The following ASF1A variants were observed in gnomAD, a reference collection of about 807,000 sequenced individuals.
ASF1A encodes histone chaperone ASF1A.
Under a neutral mutation model 22.0 loss-of-function variants are expected in ASF1A, and 5 were observed. That is an observed-to-expected ratio of 0.23 (90% CI 0.12 to 0.48). The LOEUF (loss-of-function observed/expected upper bound fraction) is 0.48, where lower values mean the gene tolerates loss of function less well. Among genes scored for constraint, ASF1A ranks in the 20% least tolerant of loss-of-function variants. The pLI is 0.99. For missense variants in ASF1A, 137 were observed against 240.6 expected, an observed-to-expected ratio of 0.57 and a Z score of 2.85; for synonymous variants, 97 against 86.7, an observed-to-expected ratio of 1.12 and a Z score of -0.66.
At chr6:118,897,631 T>C (rs563775033) in intron 1 of ASF1A, among the ~76,000 whole-genome samples, 6 of 152,234 alleles carry the variant, frequency 3.9e-5, no homozygotes, top group Admixed American at 3.9e-4. Flanking sequence ...ACTTCCCTCA[T>C]TCACTCACTC....
chr6:118,894,636 TG>T, intron 1 of ASF1A, 114 bp downstream of exon 1: 2 of 942,466 alleles, frequency 2.1e-6, no homozygotes, highest in Non-Finnish European at 3.2e-6. Context: ...GGCCGCGGGC[TG>T]CTCTGCGGAG....
chr6:118,894,377 C>T lies in ASF1A; in HGVS notation c.-37C>T, dbSNP rs751978421. The T allele has an allele frequency of 2.6e-6, 4 of 1,536,386 alleles. No individual in the cohort carries two copies. In the East Asian group the frequency reaches 9.8e-5, roughly 38 times the overall value. On this transcript the variant is annotated 5_prime_UTR_variant, in exon 1 of 4. Transcript: ENST00000229595. ...GCGCTGGACTTTATTGTGCCGCAAC[C>T]AGCCCCAGTTCCCATTGTTTGTGTT... is the stretch of plus-strand genomic sequence containing the variant.
Position 118,904,878 on chromosome 6 carries a change from G to A in ASF1A, c.226-774G>A, listed in dbSNP as rs569986659. 2.8e-4 allele frequency among the ~76,000 whole-genome samples: 43 copies of A among 152,106 alleles called. No individual in the cohort carries two copies. In the South Asian group the frequency reaches 7.1e-3, roughly 25 times the overall value. ...GTTTGAGACGGAGTCTCACTCTGTC[G>A]CCAGGCTGGAGTGCAGTAGTGCGAT... On this transcript the variant is annotated intron_variant, in intron 2 of 3. Transcript: ENST00000229595.
chr6:118,901,928 A>G (rs1387897146), intron 2 of ASF1A, among the ~76,000 whole-genome samples: 3 of 152,202 alleles, frequency 2.0e-5, no homozygotes, highest in Non-Finnish European at 4.4e-5. Flanking sequence ...CTGGCAAAGA[A>G]TCACTTAGAC....
chr6:118,908,210 TG>T lies in ASF1A; in HGVS notation c.*598del, dbSNP rs1388453595. On this transcript the variant is annotated 3_prime_UTR_variant, in exon 4 of 4. Coordinates refer to ENST00000229595, the MANE Select transcript of ASF1A (RefSeq NM_014034.3). ...GATGTTGGACAGCATTTGGTTTGTT[TG>T]GTAAGAGAAGAACAAATATGGCTAA... 1.3e-5 allele frequency: 2 copies of T among 152,174 alleles called. No individual in the cohort carries two copies. The highest frequency in any genetic ancestry group is 4.8e-5 in the African/African-American group (2 of 41,430). The allele number at this position is 152,174 out of a possible 1,614,324, so 9.4% of individuals were successfully genotyped here.
chr6:118,904,867 C>T (rs1312026731), intron 2 of ASF1A, among the ~76,000 whole-genome samples: 1 of 152,212 alleles, frequency 6.6e-6, no homozygotes, highest in East Asian at 1.9e-4. Context: ...GAGACGGAGT[C>T]TCACTCTGTC....
At chr6:118,903,099 T>C (rs975482781) in intron 2 of ASF1A, among the ~76,000 whole-genome samples, 11 of 151,802 alleles carry the variant, frequency 7.2e-5, no homozygotes, top group African/African-American at 2.7e-4. Flanking sequence ...AGATGTTTTA[T>C]ATTTACAACA....
At chr6:118,904,820 A>G (rs991882896) in intron 2 of ASF1A, among the ~76,000 whole-genome samples, 1 of 152,116 alleles carries the variant, frequency 6.6e-6, no homozygotes, top group Admixed American at 6.5e-5. Flanking sequence ...CTATGTAGCT[A>G]TTTCCATCTC....
chr6:118,904,876 T>C (rs1780064406), intron 2 of ASF1A, among the ~76,000 whole-genome samples: 1 of 152,260 alleles, frequency 6.6e-6, no homozygotes, highest in Admixed American at 6.5e-5. Flanking sequence ...TCTCACTCTG[T>C]CGCCAGGCTG....
At chr6:118,899,915 TA>T (rs1779687868) in intron 1 of ASF1A, among the ~76,000 whole-genome samples, 1 of 152,210 alleles carries the variant, frequency 6.6e-6, no homozygotes, top group South Asian at 2.1e-4. Flanking sequence ...AGATGGTTTG[TA>T]TTACAAAGTT....
chr6:118,903,581 TAAAAA>T (rs1283523564), intron 2 of ASF1A, among the ~76,000 whole-genome samples: 5 of 152,074 alleles, frequency 3.3e-5, no homozygotes, highest in Non-Finnish European at 7.4e-5. Flanking sequence ...TATCAGCACA[TAAAAA>T]AGGAATCTAT....
chr6:118,896,183 G>C (rs577770025), intron 1 of ASF1A, among the ~76,000 whole-genome samples: 17 of 151,804 alleles, frequency 1.1e-4, no homozygotes, highest in Non-Finnish European at 2.4e-4. Context: ...TTACTCTGAA[G>C]TCATTTGATT....
At chr6:118,901,404 G>A (rs1779791096) in intron 2 of ASF1A, among the ~76,000 whole-genome samples, 1 of 152,046 alleles carries the variant, frequency 6.6e-6, no homozygotes, top group South Asian at 2.1e-4. Context: ...GTGTGGTCTT[G>A]GGTCATTGGA....
chr6:118,895,857 T>C (rs972715570), intron 1 of ASF1A, among the ~76,000 whole-genome samples: 3 of 152,120 alleles, frequency 2.0e-5, no homozygotes, highest in Non-Finnish European at 4.4e-5. Context: ...TAAAAACTAG[T>C]TTTTAATCTC....
At chr6:118,894,587 G>A (rs1779214362) in intron 1 of ASF1A, 65 bp downstream of exon 1, 7 of 1,355,038 alleles carry the variant, frequency 5.2e-6, no homozygotes, top group Non-Finnish European at 6.1e-6. Context: ...AGTTTCCCGG[G>A]CCGGGCCTCG....
At position 118,894,305 on chromosome 6, in the gene ASF1A, G is replaced by A. The variant is rs918107330; in HGVS notation, c.-109G>A. 24 of 1,498,580 alleles carry A rather than the reference G, an allele frequency of 1.6e-5. No individual in the cohort carries two copies. Among genetic ancestry groups the A allele is most frequent in the Non-Finnish European group, 8.9e-7 (1 of 1,127,128 alleles). 92.8% of individuals were successfully genotyped at this position (1,498,580 alleles called of 1,614,324 possible). A position where few individuals can be genotyped will look rare whatever the true frequency, so the allele number is the denominator to read the frequency against. On this transcript the variant is annotated 5_prime_UTR_variant, in exon 1 of 4. Transcript: ENST00000229595. ...GTTTCTCAAGTCGCCGCTGCACGACGTCTGGCCGGCGCTGGAGCGGGGGTC... is the reference window on the plus strand; with the variant it reads ...GTTTCTCAAGTCGCCGCTGCACGACATCTGGCCGGCGCTGGAGCGGGGGTC...
intron 1 of ASF1A, among the ~76,000 whole-genome samples, chr6:118,895,026 C>T (rs894858805): frequency 6.6e-6 from 1 of 152,170 alleles, no homozygotes; most frequent in Non-Finnish European, 1.5e-5. Context: ...CGCCCGCCTG[C>T]CCCCGGCGAA....
At chr6:118,904,951 C>G (rs1050868438) in intron 2 of ASF1A, among the ~76,000 whole-genome samples, 2 of 152,188 alleles carry the variant, frequency 1.3e-5, no homozygotes, top group Non-Finnish European at 2.9e-5. Context: ...GATTCTCCTG[C>G]CTCAGCCTCC....
rs1184273652 is a variant in ASF1A at position 118,894,254 on chromosome 6, C to G, written c.-160C>G. 1.4e-6 allele frequency: 2 copies of G among 1,454,316 alleles called. No individual in the cohort carries two copies. The highest frequency in any genetic ancestry group is 1.4e-5 in the African/African-American group (1 of 70,214). The allele number at this position is 1,454,316 out of a possible 1,614,324, so 90.1% of individuals were successfully genotyped here. ...AAGCTGCAAAACACTGTGGAGTGCTCCCGTGTAAATAAAAAGAGGAAAAAA... is the reference window on the plus strand; with the variant it reads ...AAGCTGCAAAACACTGTGGAGTGCTGCCGTGTAAATAAAAAGAGGAAAAAA... On this transcript the variant is annotated 5_prime_UTR_variant, in exon 1 of 4. Coordinates refer to ENST00000229595, the MANE Select transcript of ASF1A (RefSeq NM_014034.3).
Sources: allele counts gnomAD v4.1 joint callset (sites outside exome capture counted in the v4.1 genomes callset), GRCh38; gene constraint gnomAD v4.1.1; transcripts MANE v1.5; gene names NCBI Gene and HGNC (gene_info 2026-07-23, HGNC 2026-07-21).